MEGF6: variants seen among roughly 807,000 people sequenced by gnomAD.
MEGF6 encodes the protein multiple EGF like domains 6.
Under a neutral mutation model 207.1 loss-of-function variants are expected in MEGF6, and 184 were observed. The ratio of observed to expected loss-of-function variants is 0.89; its 90% CI spans 0.79 to 1.00. The LOEUF (loss-of-function observed/expected upper bound fraction) is 1.00, where lower values mean the gene tolerates loss of function less well. Among genes scored for constraint, MEGF6 ranks in the 50% least tolerant of loss-of-function variants. The pLI, the probability that MEGF6 is intolerant of heterozygous loss-of-function variation, is 0.00. For missense variants in MEGF6, 2,282 were observed against 2,202.9 expected (o/e 1.04, Z -0.72); for synonymous variants, 1,038 against 910.0 (o/e 1.14, Z -2.53).
chr1:3,601,820 T>C (rs2821012), intron 2 of MEGF6, among the ~76,000 whole-genome samples: 144,711 of 152,364 alleles, frequency 0.95, 69,213 homozygotes, highest in East Asian at 1. Context: ...GTGGACCCCA[T>C]GCCCAAGGGA....
intron 14 of MEGF6, 99 bp downstream of exon 14, chr1:3,507,696 T>C (rs1641166017): frequency 5.3e-6 from 8 of 1,502,538 alleles, no homozygotes. Flanking sequence ...CCTGCTCCAG[T>C]GGGAGGAAGG....
chr1:3,505,302 T>A lies in MEGF6; in HGVS notation c.2094A>T (p.Ala698=), dbSNP rs751688055. ...LGYFGPGCWQ[A]CTCPVGVACD... ...AGGCCACGCCCACTGGGCAGGTGCA[T>A]GCCTGCCAGCACCCCGGCCCAAAGT... Residue 698 remains alanine (A), a synonymous_variant, in exon 17 of 37, where the codon GCA becomes GCT. Transcript: ENST00000356575. 1.9e-6 allele frequency: 3 copies of A among 1,611,982 alleles called. No homozygotes were observed. The East Asian group carries it at 6.7e-5, about 36-fold the overall frequency.
chr1:3,515,682 C>T (rs561954942), intron 5 of MEGF6, among the ~76,000 whole-genome samples, 155 bp from the exon 6 acceptor site: 6 of 152,382 alleles, frequency 3.9e-5, no homozygotes, highest in South Asian at 4.1e-4. Context: ...TCATCTCCAT[C>T]GTCACACGCT....
upstream of MEGF6, among the ~76,000 whole-genome samples, chr1:3,611,756 G>A (rs1570262248): frequency 1.6e-5 from 1 of 61,390 alleles, no homozygotes; most frequent in South Asian, 6.0e-4. Flanking sequence ...TCCCGGCCCC[G>A]CCCACAGCCT....
intron 4 of MEGF6, 59 bp downstream of exon 4, chr1:3,579,766 G>GC: frequency 7.9e-7 from 1 of 1,271,304 alleles, no homozygotes; most frequent in Non-Finnish European, 1.0e-6. Context: ...ACACATCCTC[G>GC]CCCCTTGCCC....
rs150535944 is a variant in MEGF6 at position 3,605,556 on chromosome 1, A to ACT, written c.132-2958_132-2957dup. On this transcript the variant is annotated intron_variant, in intron 1 of 36. Coordinates refer to ENST00000356575, the MANE Select transcript of MEGF6 (RefSeq NM_001409.4). Reference sequence around the variant, plus strand: ...CACACAATCACACATATTCTCATACACTCATACACTCACATACACACACAT... The same window carrying ACT: ...CACACAATCACACATATTCTCATACACTCTCATACACTCACATACACACACAT... Among the ~76,000 whole-genome samples the ACT allele has an allele frequency of 8.2e-4, 95 of 115,658 alleles. 2 individuals are homozygous for ACT. The East Asian group carries it at 0.015, about 19-fold the overall frequency. The allele number at this position is 115,658 out of a possible 152,430, so 75.9% of individuals were successfully genotyped here. A position where few individuals can be genotyped will look rare whatever the true frequency, so the allele number is the denominator to read the frequency against.
rs751320519 is a variant in MEGF6, at chr1:3,495,981, G to A, written c.3780C>T (p.His1260=). The change falls in exon 30 of 37, where the codon CAC becomes CAT. Residue 1260 remains histidine (H), a synonymous_variant. Coordinates refer to ENST00000356575, the MANE Select transcript of MEGF6 (RefSeq NM_001409.4). ...CCGCCCCCTGCCCACACCCACACAC[G>A]TGGGTGCAGTTGGGGCCGAAGCGGC... is the stretch of plus-strand genomic sequence containing the variant. The part of the protein sequence containing the change: ...PQGRFGPNCT[H]VCGCGQGAAC... 30 of 1,568,120 alleles carry A rather than the reference G, an allele frequency of 1.9e-5. No individual in the cohort carries two copies. Among genetic ancestry groups the A allele is most frequent in the Middle Eastern group, 1.7e-4 (1 of 5,892 alleles).
chr1:3,605,693 C>T (rs1557430755), intron 1 of MEGF6, among the ~76,000 whole-genome samples: 4 of 152,282 alleles, frequency 2.6e-5, no homozygotes, highest in South Asian at 2.1e-4. Flanking sequence ...CACACATATG[C>T]ACTCTCAAAC....
At position 3,533,021 on chromosome 1, in the gene MEGF6, C is replaced by G. The variant is rs866296082; in HGVS notation, c.482-8775G>C. Among the ~76,000 whole-genome samples the G allele has an allele frequency of 2.0e-5, 3 of 152,206 alleles. No individual in the cohort carries two copies. The East Asian group carries it at 5.8e-4, about 29-fold the overall frequency. ...ACTCAGGGAAGCAGGCGGCCCATCCCGGCAGAGCCTCCACCTTCTCTCCAC... is the reference window on the plus strand; with the variant it reads ...ACTCAGGGAAGCAGGCGGCCCATCCGGGCAGAGCCTCCACCTTCTCTCCAC... On this transcript the variant is annotated intron_variant, in intron 4 of 36. Coordinates refer to ENST00000356575, the MANE Select transcript of MEGF6 (RefSeq NM_001409.4).
chr1:3,576,289 C>T lies in MEGF6; in HGVS notation c.481+3536G>A, dbSNP rs61620531. Among the ~76,000 whole-genome samples, 6 of 152,350 alleles carry T rather than the reference C, an allele frequency of 3.9e-5. No homozygotes were observed. In the East Asian group the frequency reaches 7.7e-4, roughly 20 times the overall value. On this transcript the variant is annotated intron_variant, in intron 4 of 36. Coordinates refer to ENST00000356575, the MANE Select transcript of MEGF6 (RefSeq NM_001409.4). ...GAAACACTGCTGCAAAGTCCCCGCC[C>T]GCTGCAGACCCGAGACTTGCCATCT...
intron 4 of MEGF6, among the ~76,000 whole-genome samples, chr1:3,564,391 G>A (rs1485693491): frequency 1.3e-5 from 2 of 152,078 alleles, no homozygotes; most frequent in African/African-American, 4.8e-5. Flanking sequence ...TTAGCCCTGG[G>A]GGAGCTGTGC....
Position 3,501,876 on chromosome 1 carries a change from G to A in MEGF6, c.2234C>T (p.Ser745Phe), listed in dbSNP as rs549647435. The change falls in exon 18 of 37, where the codon TCC (serine) becomes TTC (phenylalanine). Residue 745 changes from serine to phenylalanine, a missense_variant. Transcript: ENST00000356575. ...CCCGTGGCAGGGGGCCCCCCCACAG[G>A]AGCAGGAGCTCGAGCAGTTCACGCC... ...TFGVNCSSSC[S>F]CGGAPCHGVT... The A allele has an allele frequency of 1.9e-6, 3 of 1,609,284 alleles. No individual in the cohort carries two copies. The highest frequency in any genetic ancestry group is 1.1e-5 in the South Asian group (1 of 90,794).
chr1:3,611,061 C>T, intron 1 of MEGF6, 77 bp downstream of exon 1: 1 of 1,375,376 alleles, frequency 7.3e-7, no homozygotes, highest in Non-Finnish European at 9.3e-7. Context: ...AGCCTCGGAG[C>T]TCGGTCCACC....
At chr1:3,557,330 A>G (rs11582418) in intron 4 of MEGF6, among the ~76,000 whole-genome samples, 5 of 152,222 alleles carry the variant, frequency 3.3e-5, no homozygotes, top group Non-Finnish European at 5.9e-5. Flanking sequence ...AACCTTTACC[A>G]TGAAAAACAA....
In MEGF6 at chr1:3,607,805, A is replaced by C. The variant is rs368413145; in HGVS notation, c.131+3333T>G. On this transcript the variant is annotated intron_variant, in intron 1 of 36. Transcript: ENST00000356575. ...GTGCAGTCGGAGGCGGAATGCTCCCAGCTGGTGGGCCATCTGCTCCCGAGC... is the reference window on the plus strand; with the variant it reads ...GTGCAGTCGGAGGCGGAATGCTCCCCGCTGGTGGGCCATCTGCTCCCGAGC... 3.5e-4 allele frequency among the ~76,000 whole-genome samples: 54 copies of C among 152,332 alleles called. No individual in the cohort carries two copies. The East Asian group carries it at 0.01, about 29-fold the overall frequency.
At chr1:3,545,162 C>T (rs769449592) in intron 4 of MEGF6, among the ~76,000 whole-genome samples, 2 of 152,148 alleles carry the variant, frequency 1.3e-5, no homozygotes, top group African/African-American at 4.8e-5. Context: ...TGCGGGTCTT[C>T]GTGCTGCCTC....
chr1:3,579,993 C>T, intron 3 of MEGF6, 64 bp from the exon 4 acceptor site: 1 of 1,225,000 alleles, frequency 8.2e-7, no homozygotes, highest in Admixed American at 3.4e-5. Flanking sequence ...GGAGGTGAGG[C>T]CTGAGGGTCT....
chr1:3,491,057 C>A, intron 35 of MEGF6, 98 bp from the exon 36 acceptor site: 3 of 1,157,866 alleles, frequency 2.6e-6, no homozygotes, highest in Non-Finnish European at 3.6e-6. Flanking sequence ...CTTCAGGGAC[C>A]TCCACTTCCC....
intron 35 of MEGF6, 44 bp from the exon 36 acceptor site, chr1:3,491,003 G>C (rs1223287188): frequency 2.0e-6 from 3 of 1,537,482 alleles, no homozygotes; most frequent in Middle Eastern, 1.8e-4. Flanking sequence ...CCCCAGCCTT[G>C]AGTGAGCCAC....
Sources: allele counts gnomAD v4.1 joint callset (sites outside exome capture counted in the v4.1 genomes callset), GRCh38; gene constraint gnomAD v4.1.1; transcripts MANE v1.5; gene names NCBI Gene and HGNC (gene_info 2026-07-23, HGNC 2026-07-21).